The following PAK3 variants were observed in gnomAD, a reference collection of about 807,000 sequenced individuals.
PAK3 encodes the protein p21 (RAC1) activated kinase 3, also known as serine/threonine-protein kinase PAK 3.
In PAK3, 4 loss-of-function variants were observed where a neutral mutation model predicts 41.0. The ratio of observed to expected loss-of-function variants is 0.10; its 90% CI spans 0.05 to 0.22. The LOEUF (loss-of-function observed/expected upper bound fraction) is 0.22, where lower values mean the gene tolerates loss of function less well. PAK3 is among the 10% of genes least tolerant of loss of function. PAK3 has a pLI of 1.00. For synonymous variants in PAK3, 146 were observed against 139.6 expected (o/e 1.05, Z -0.32); for missense variants, 205 against 409.9 (o/e 0.50, Z 4.32).
intron 1 of PAK3, among the ~76,000 whole-genome samples, chrX:110,952,277 C>T (rs191899243): frequency 1.8e-5 from 2 of 111,509 alleles, no homozygotes; most frequent in South Asian, 7.6e-4. Context: ...ATGTAGCTTA[C>T]GAATATCTTT....
intron 1 of PAK3, among the ~76,000 whole-genome samples, chrX:111,003,949 T>C (rs2091886134): frequency 8.9e-6 from 1 of 112,305 alleles, no homozygotes; most frequent in African/African-American, 3.2e-5. Context: ...GAACATCTCT[T>C]GGCCTCTGTT....
intron 1 of PAK3, among the ~76,000 whole-genome samples, chrX:111,031,920 G>A (rs920732408): frequency 4.5e-5 from 5 of 111,958 alleles, no homozygotes; most frequent in Non-Finnish European, 7.5e-5. Flanking sequence ...GTAACATTAC[G>A]GCTGTGGCTG....
intron 1 of PAK3, among the ~76,000 whole-genome samples, chrX:111,056,713 A>G (rs1445581013): frequency 8.9e-6 from 1 of 112,253 alleles, no homozygotes; most frequent in Non-Finnish European, 1.9e-5. Flanking sequence ...AAATTGCTAC[A>G]TAATGTGGCA....
At chrX:111,172,113 G>A (rs924591877) in intron 10 of PAK3, among the ~76,000 whole-genome samples, 17 of 111,701 alleles carry the variant, frequency 1.5e-4, no homozygotes, top group Non-Finnish European at 2.6e-4. Flanking sequence ...AGAGAAGACA[G>A]TGATTTTACT....
At chrX:111,053,003 C>T (rs895540365) in intron 1 of PAK3, among the ~76,000 whole-genome samples, 17 of 112,169 alleles carry the variant, frequency 1.5e-4, no homozygotes, top group South Asian at 3.7e-4. Context: ...TTTTGATAGA[C>T]GCACAGCACA....
intron 5 of PAK3, among the ~76,000 whole-genome samples, chrX:111,132,106 C>A (rs188969613): frequency 1.8e-5 from 2 of 110,952 alleles, no homozygotes; most frequent in Admixed American, 1.9e-4. Flanking sequence ...TTGTTTGGGG[C>A]ACTAACTGAC....
intron 5 of PAK3, among the ~76,000 whole-genome samples, chrX:111,123,566 C>T (rs1390598123): frequency 8.9e-6 from 1 of 112,545 alleles, no homozygotes; most frequent in Non-Finnish European, 1.9e-5. Context: ...TCAACAGTGA[C>T]TTTCTTTCTG....
intron 8 of PAK3, among the ~76,000 whole-genome samples, chrX:111,153,261 T>G (rs960021661): frequency 2.7e-5 from 3 of 111,905 alleles, no homozygotes; most frequent in Non-Finnish European, 5.6e-5. Context: ...ATTAAATAAC[T>G]TCTCTAAGGT....
In PAK3 at chrX:111,118,235, G is replaced by A. The variant is rs1020938705; in HGVS notation, c.-27-4842G>A. On this transcript the variant is annotated intron_variant, in intron 4 of 17. Coordinates refer to ENST00000372007, the MANE Select transcript of PAK3 (RefSeq NM_002578.5). The stretch of plus-strand genomic sequence containing the variant: ...TCTTACATTATCAGTCATAAGTGAG[G>A]TGGTTGGTTCTTTTGTAAATAACGC... 1.2e-4 allele frequency among the ~76,000 whole-genome samples: 13 copies of A among 111,705 alleles called. 1 individual carries two copies. Among genetic ancestry groups the A allele is most frequent in the Admixed American group, 1.1e-3 (12 of 10,450 alleles).
intron 4 of PAK3, among the ~76,000 whole-genome samples, chrX:111,114,854 C>G (rs890961907): frequency 3.6e-5 from 4 of 112,482 alleles, no homozygotes; most frequent in African/African-American, 1.3e-4. Context: ...CTCTAGGCTA[C>G]ACTGCAGTCT....
chrX:111,006,852 T>TCTTTCTTTCTTTCTTTC (rs1265819390), intron 1 of PAK3, among the ~76,000 whole-genome samples: 27 of 84,614 alleles, frequency 3.2e-4, no homozygotes, highest in Non-Finnish European at 4.5e-4. Flanking sequence ...TTTCTTTCTT[T>TCTTTCTTTCTTTCTTTC]TTTTTTTTTT....
intron 16 of PAK3, among the ~76,000 whole-genome samples, chrX:111,215,707 G>A (rs2094872578): frequency 8.9e-6 from 1 of 112,065 alleles, no homozygotes; most frequent in Non-Finnish European, 1.9e-5. Flanking sequence ...ACAATTATTA[G>A]CAACTTATTA....
intron 1 of PAK3, among the ~76,000 whole-genome samples, chrX:111,044,624 C>A (rs2092480701): frequency 8.9e-6 from 1 of 111,958 alleles, no homozygotes; most frequent in African/African-American, 3.2e-5. Flanking sequence ...GGCCTAATTA[C>A]CATGAATGAT....
Position 111,172,692 on chromosome X carries a change from T to G in PAK3, c.767-326T>G, listed in dbSNP as rs181113650. Reference sequence around the variant, plus strand: ...TTTTTTTATATCCTAATATATAGTATTATGAGAACTTTTTATAGATGTTGG... The same window carrying G: ...TTTTTTTATATCCTAATATATAGTAGTATGAGAACTTTTTATAGATGTTGG... On this transcript the variant is annotated intron_variant, in intron 10 of 17. Transcript: ENST00000372007. 6.0e-3 allele frequency among the ~76,000 whole-genome samples: 674 copies of G among 111,405 alleles called. 9 individuals carry two copies. Among genetic ancestry groups the G allele is most frequent in the African/African-American group, 0.02 (626 of 30,724 alleles).
chrX:110,992,029 G>A (rs1384219581), intron 1 of PAK3, among the ~76,000 whole-genome samples: 2 of 111,621 alleles, frequency 1.8e-5, no homozygotes, highest in African/African-American at 6.5e-5. Context: ...GGGGTGATAA[G>A]GAGTTGTAAA....
chrX:111,176,246 T>C (rs1328923519), intron 11 of PAK3, among the ~76,000 whole-genome samples: 1 of 110,908 alleles, frequency 9.0e-6, no homozygotes, highest in Non-Finnish European at 1.9e-5. Context: ...AATGTTTGTC[T>C]TTCCACTGCA....
At chrX:111,033,591 C>T (rs187404569) in intron 1 of PAK3, among the ~76,000 whole-genome samples, 54 of 112,087 alleles carry the variant, frequency 4.8e-4, no homozygotes, top group African/African-American at 1.7e-3. Context: ...GAATGCAGCT[C>T]CCTTGGCTAA....
intron 1 of PAK3, among the ~76,000 whole-genome samples, chrX:111,038,904 C>T (rs1437622850): frequency 1.8e-5 from 2 of 111,226 alleles, no homozygotes; most frequent in Non-Finnish European, 3.8e-5. Flanking sequence ...TAGTGAGTTT[C>T]CTTTCACTCT....
intron 1 of PAK3, among the ~76,000 whole-genome samples, chrX:111,081,043 G>A (rs2092830347): frequency 9.0e-6 from 1 of 111,638 alleles, no homozygotes; most frequent in South Asian, 3.8e-4. Context: ...GCTTAACTCA[G>A]AAGCAGAAAG....
Sources: allele counts gnomAD v4.1 joint callset (sites outside exome capture counted in the v4.1 genomes callset), GRCh38; gene constraint gnomAD v4.1.1; transcripts MANE v1.5; gene names NCBI Gene and HGNC (gene_info 2026-07-23, HGNC 2026-07-21).